Variants in TRABD2B observed in about 807,000 individuals in gnomAD.
TRABD2B encodes the protein TraB domain containing 2B.
Under a neutral mutation model 40.1 loss-of-function variants are expected in TRABD2B, and 14 were observed. The ratio of observed to expected loss-of-function variants is 0.35; its 90% CI spans 0.23 to 0.55. The LOEUF is 0.55. Ranked by LOEUF, TRABD2B falls within the 20% of genes least tolerant of loss-of-function variation. The pLI is 0.90. For synonymous variants in TRABD2B, 263 were observed against 277.0 expected, an observed-to-expected ratio of 0.95 and a Z score of 0.50; for missense variants, 541 against 648.6, an observed-to-expected ratio of 0.83 and a Z score of 1.80.
intron 2 of TRABD2B, among the ~76,000 whole-genome samples, chr1:47,897,578 C>T (rs1644541068): frequency 1.3e-5 from 2 of 152,186 alleles, no homozygotes; most frequent in Admixed American, 1.3e-4. Context: ...AATAGCTCTT[C>T]TTTTAAAAGG....
At chr1:47,829,039 G>C (rs1382213334) in intron 2 of TRABD2B, among the ~76,000 whole-genome samples, 2 of 152,200 alleles carry the variant, frequency 1.3e-5, no homozygotes, top group Non-Finnish European at 2.9e-5. Context: ...CTGTGATGTG[G>C]GGAGGGCAGG....
rs1369306999 is a variant in TRABD2B at position 47,765,744 on chromosome 1, G to C, written c.*158C>G. ...AAGATCCTTCTACAAAAAAGAAGAT[G>C]TAACTTGGGTACAGTAAAGCTCTAG... On this transcript the variant is annotated 3_prime_UTR_variant, in exon 7 of 7. Transcript: ENST00000606738. 1.6e-6 allele frequency: 1 copy of C among 643,236 alleles called. No individual in the cohort carries two copies. Among genetic ancestry groups the C allele is most frequent in the African/African-American group, 1.8e-5 (1 of 55,092 alleles). The allele number at this position is 643,236 out of a possible 1,614,324, so 39.8% of individuals were successfully genotyped here.
At chr1:47,921,370 G>C (rs1557658526) in intron 2 of TRABD2B, among the ~76,000 whole-genome samples, 1 of 152,148 alleles carries the variant, frequency 6.6e-6, no homozygotes, top group Non-Finnish European at 1.5e-5. Context: ...AGGTGGGGCT[G>C]GCGGGCAGAG....
At chr1:47,849,149 A>G (rs1473177060) in intron 2 of TRABD2B, among the ~76,000 whole-genome samples, 1 of 152,080 alleles carries the variant, frequency 6.6e-6, no homozygotes, top group African/African-American at 2.4e-5. Context: ...TGAAGCTCCC[A>G]CCCCCAGGAC....
At chr1:47,826,439 TATATTTATTTCAAATAAATA>T (rs1645174970) in intron 2 of TRABD2B, among the ~76,000 whole-genome samples, 1 of 152,102 alleles carries the variant, frequency 6.6e-6, no homozygotes, top group African/African-American at 2.4e-5. Flanking sequence ...TTTTAAAATA[TATATTTATTTCAAATAAATA>T]AAAGAGAGTT....
At chr1:47,871,420 T>C (rs894708021) in intron 2 of TRABD2B, among the ~76,000 whole-genome samples, 1 of 152,162 alleles carries the variant, frequency 6.6e-6, no homozygotes. Context: ...AGGAAATTCA[T>C]TCACTTTCAA....
chr1:47,876,417 C>A (rs988889214), intron 2 of TRABD2B, among the ~76,000 whole-genome samples: 3 of 152,218 alleles, frequency 2.0e-5, no homozygotes, highest in Non-Finnish European at 4.4e-5. Context: ...TGGCCCAGAG[C>A]ACAGACTCTA....
At chr1:47,860,054 G>A (rs1371967536) in intron 2 of TRABD2B, among the ~76,000 whole-genome samples, 1 of 152,132 alleles carries the variant, frequency 6.6e-6, no homozygotes, top group Non-Finnish European at 1.5e-5. Flanking sequence ...TGCCTCCCAG[G>A]TGCTAGACAG....
chr1:47,783,118 G>A (rs954645983), intron 4 of TRABD2B, among the ~76,000 whole-genome samples: 6 of 152,110 alleles, frequency 3.9e-5, no homozygotes, highest in Admixed American at 3.9e-4. Context: ...GAGAAGAGCA[G>A]AGAGATACTC....
intron 3 of TRABD2B, among the ~76,000 whole-genome samples, chr1:47,796,926 A>C (rs1268649554): frequency 6.6e-6 from 1 of 152,236 alleles, no homozygotes; most frequent in Non-Finnish European, 1.5e-5. Flanking sequence ...TATTTCTGGA[A>C]ATGTGACCCT....
intron 2 of TRABD2B, among the ~76,000 whole-genome samples, chr1:47,961,921 T>C (rs1299094066): frequency 6.6e-6 from 1 of 152,210 alleles, no homozygotes; most frequent in African/African-American, 2.4e-5. Context: ...CACGTATGTT[T>C]ACTGCAGCAC....
intron 2 of TRABD2B, among the ~76,000 whole-genome samples, chr1:47,986,631 C>T (rs1645922509): frequency 6.6e-6 from 1 of 152,144 alleles, no homozygotes; most frequent in Non-Finnish European, 1.5e-5. Flanking sequence ...GACCTGGGAA[C>T]ATTCTAGGAA....
rs1644432711 is a variant in TRABD2B at position 47,775,431 on chromosome 1, G to A, written c.1088C>T (p.Pro363Leu). Residue 363 changes from proline (P) to leucine (L), a missense_variant, in exon 6 of 7, where the codon CCC (proline) becomes CTC (leucine). By Grantham distance (98) the Pro-to-Leu change is moderately conservative. Around this residue, in one of 2 missense-constraint regions of TRABD2B, gnomAD observed 172 missense variants for 155.8 expected, o/e 1.10. Transcript: ENST00000606738. ...CTCAGGAGAGGGCGCTGGGCTCTGG[G>A]GGGCAGGGCTGGAAAGAGGTAATGG... Reference protein sequence around the residue: ...PAGQAIHSPAPQSPAPSPEGT... With the variant: ...PAGQAIHSPALQSPAPSPEGT... 8.1e-7 allele frequency: 1 copy of A among 1,234,936 alleles called. No individual in the cohort carries two copies. The highest frequency in any genetic ancestry group is 1.0e-6 in the Non-Finnish European group (1 of 988,548). The allele number at this position is 1,234,936 out of a possible 1,614,324, so 76.5% of individuals were successfully genotyped here. A position where few individuals can be genotyped will look rare whatever the true frequency, so the allele number is the denominator to read the frequency against.
At chr1:47,958,142 T>C (rs1163015627) in intron 2 of TRABD2B, among the ~76,000 whole-genome samples, 2 of 150,182 alleles carry the variant, frequency 1.3e-5, no homozygotes, top group Non-Finnish European at 3.0e-5. Flanking sequence ...TAAAATACTT[T>C]ACAGACAAGC....
At chr1:47,817,911 G>A (rs777003273) in intron 2 of TRABD2B, among the ~76,000 whole-genome samples, 1 of 152,218 alleles carries the variant, frequency 6.6e-6, no homozygotes, top group Non-Finnish European at 1.5e-5. Flanking sequence ...CCCGTTTGAA[G>A]GGGATCAGGT....
chr1:47,922,588 G>A (rs1644916976), intron 2 of TRABD2B, among the ~76,000 whole-genome samples: 1 of 152,158 alleles, frequency 6.6e-6, no homozygotes, highest in Admixed American at 6.5e-5. Context: ...GCATCTCCCT[G>A]GGTCTCTCTG....
rs184579735 is a variant in TRABD2B, at chr1:47,957,080, C to T, written c.666+36954G>A. 2.0e-3 allele frequency among the ~76,000 whole-genome samples: 312 copies of T among 152,352 alleles called. 6 individuals are homozygous for T. The highest frequency in any genetic ancestry group is 7.9e-3 in the East Asian group (41 of 5,188). Reference sequence around the variant, plus strand: ...GCTGTTCTGTAGCCTCTGCTGGTGACACCCAGGCAAACAGTGTCTGGAGTG... The same window carrying T: ...GCTGTTCTGTAGCCTCTGCTGGTGATACCCAGGCAAACAGTGTCTGGAGTG... On this transcript the variant is annotated intron_variant, in intron 2 of 6. Coordinates refer to ENST00000606738, the MANE Select transcript of TRABD2B (RefSeq NM_001194986.2).
intron 2 of TRABD2B, among the ~76,000 whole-genome samples, chr1:47,970,338 A>C (rs1645663507): frequency 6.6e-6 from 1 of 151,916 alleles, no homozygotes; most frequent in South Asian, 2.1e-4. Context: ...ACTTATTTTC[A>C]AATTTACCCT....
intron 2 of TRABD2B, among the ~76,000 whole-genome samples, chr1:47,897,885 T>C (rs1169244851): frequency 6.6e-6 from 1 of 152,148 alleles, no homozygotes; most frequent in African/African-American, 2.4e-5. Context: ...AACTAACATG[T>C]AAAAATCCCT....
Sources: gnomAD v4.1 joint callset for allele counts (sites outside exome capture counted in the v4.1 genomes callset) on GRCh38, gnomAD v4.1.1 for gene constraint, gnomAD v4.1.1 regional missense constraint, MANE v1.5 for transcripts, NCBI Gene and HGNC (gene_info 2026-07-23, HGNC 2026-07-21) for gene names.